The following HS3ST4 variants were observed in gnomAD, a reference collection of about 807,000 sequenced individuals.
The protein encoded by HS3ST4 is heparan sulfate-glucosamine 3-sulfotransferase 4, also known as heparan sulfate glucosamine 3-O-sulfotransferase 4.
A neutral mutation model predicts 29.2 loss-of-function variants in HS3ST4; 17 were observed. The observed-to-expected ratio is 0.58, with a 90% CI of 0.40 to 0.87. HS3ST4 has a LOEUF of 0.87. Ranked by LOEUF, HS3ST4 falls within the 40% of genes least tolerant of loss-of-function variation. The pLI, the probability that HS3ST4 is intolerant of heterozygous loss-of-function variation, is 0.00. For synonymous variants in HS3ST4, 314 were observed against 285.7 expected (o/e 1.10, Z -1.00); for missense variants, 627 against 634.5 (o/e 0.99, Z 0.13).
chr16:25,793,340 T>C (rs569521607), intron 1 of HS3ST4, among the ~76,000 whole-genome samples: 15 of 152,094 alleles, frequency 9.9e-5, no homozygotes, highest in African/African-American at 3.6e-4. Flanking sequence ...GATATTTTGC[T>C]CTGCTTGTTC....
chr16:26,047,168 T>G (rs1376205860), intron 1 of HS3ST4, among the ~76,000 whole-genome samples: 1 of 152,190 alleles, frequency 6.6e-6, no homozygotes, highest in East Asian at 1.9e-4. Flanking sequence ...AGGGCTAAGT[T>G]GCCATGAGCA....
intron 1 of HS3ST4, among the ~76,000 whole-genome samples, chr16:26,020,038 G>A (rs1969397761): frequency 6.6e-6 from 1 of 152,120 alleles, no homozygotes; most frequent in Admixed American, 6.5e-5. Context: ...TGGTTTCTGT[G>A]CTTCCCCTAA....
intron 1 of HS3ST4, among the ~76,000 whole-genome samples, chr16:25,955,158 A>G (rs1968717633): frequency 6.6e-6 from 1 of 152,118 alleles, no homozygotes; most frequent in Admixed American, 6.6e-5. Context: ...GCTCCTCTTG[A>G]GTTGCTGAAC....
intron 1 of HS3ST4, among the ~76,000 whole-genome samples, chr16:25,826,722 G>A (rs760075507): frequency 2.6e-5 from 4 of 152,200 alleles, no homozygotes; most frequent in African/African-American, 4.8e-5. Context: ...CAGTTGAATC[G>A]TCAAGTTGGA....
At chr16:26,112,534 A>G (rs1444676619) in intron 1 of HS3ST4, among the ~76,000 whole-genome samples, 1 of 152,012 alleles carries the variant, frequency 6.6e-6, no homozygotes, top group Non-Finnish European at 1.5e-5. Context: ...AAAATAATAA[A>G]TTAGACTACA....
At chr16:25,777,497 G>A (rs911064905) in intron 1 of HS3ST4, among the ~76,000 whole-genome samples, 74 of 152,140 alleles carry the variant, frequency 4.9e-4, no homozygotes, top group African/African-American at 1.4e-3. Context: ...GGCTGGGCGC[G>A]GTGGCTCGCG....
intron 1 of HS3ST4, among the ~76,000 whole-genome samples, chr16:25,820,572 TTTGTTG>T (rs142376636): frequency 7.3e-5 from 11 of 151,032 alleles, no homozygotes; most frequent in East Asian, 1.9e-4. Context: ...TAATACAAGT[TTTGTTG>T]TTGTTGTTGT....
chr16:25,862,162 CATATTTAT>C (rs1967643963), intron 1 of HS3ST4, among the ~76,000 whole-genome samples: 1 of 101,628 alleles, frequency 9.8e-6, no homozygotes, highest in South Asian at 3.5e-4. Context: ...TATTTATTTA[CATATTTAT>C]TTATTTATTT....
chr16:25,897,502 G>A (rs933891924), intron 1 of HS3ST4, among the ~76,000 whole-genome samples: 50 of 152,188 alleles, frequency 3.3e-4, no homozygotes, highest in Non-Finnish European at 4.0e-4. Flanking sequence ...TTTGGACACA[G>A]ACGGGCTGGC....
intron 1 of HS3ST4, among the ~76,000 whole-genome samples, chr16:26,065,393 G>A (rs571818411): frequency 3.7e-4 from 57 of 152,316 alleles, no homozygotes; most frequent in African/African-American, 1.4e-3. Context: ...AATACCATAT[G>A]TTCTCACTCA....
chr16:25,893,466 G>A (rs144442968), intron 1 of HS3ST4, among the ~76,000 whole-genome samples: 2 of 152,298 alleles, frequency 1.3e-5, no homozygotes, highest in Admixed American at 1.3e-4. Context: ...GGACCAGGAA[G>A]GGATCCCGTT....
At chr16:26,012,251 C>T (rs1044829620) in intron 1 of HS3ST4, among the ~76,000 whole-genome samples, 4 of 152,084 alleles carry the variant, frequency 2.6e-5, no homozygotes, top group African/African-American at 9.7e-5. Flanking sequence ...AATAGAGCTT[C>T]CTGTCAAAGT....
chr16:25,904,505 T>A (rs927787364), intron 1 of HS3ST4, among the ~76,000 whole-genome samples: 1 of 152,168 alleles, frequency 6.6e-6, no homozygotes, highest in Non-Finnish European at 1.5e-5. Context: ...TCTTCTTTAG[T>A]TTTTATACAT....
At chr16:25,969,106 C>A (rs1024795702) in intron 1 of HS3ST4, among the ~76,000 whole-genome samples, 2 of 152,210 alleles carry the variant, frequency 1.3e-5, no homozygotes, top group Non-Finnish European at 2.9e-5. Flanking sequence ...GCGTGAGCCA[C>A]CATGCCCAAC....
chr16:25,974,237 C>G (rs2141707905), intron 1 of HS3ST4, among the ~76,000 whole-genome samples: 1 of 152,286 alleles, frequency 6.6e-6, no homozygotes, highest in East Asian at 1.9e-4. Context: ...CCATTTGTAA[C>G]TCTTTTATCC....
intron 1 of HS3ST4, among the ~76,000 whole-genome samples, chr16:25,716,883 A>G (rs563247303): frequency 6.6e-6 from 1 of 152,254 alleles, no homozygotes; most frequent in East Asian, 1.9e-4. Context: ...GTGAAACCCC[A>G]TCTCTGCTAA....
intron 1 of HS3ST4, among the ~76,000 whole-genome samples, chr16:26,019,635 C>T (rs921285060): frequency 6.6e-6 from 1 of 152,122 alleles, no homozygotes; most frequent in African/African-American, 2.4e-5. Flanking sequence ...CCGTCTGGCT[C>T]CTGGGATCTA....
At chr16:25,798,803 C>T (rs1966905011) in intron 1 of HS3ST4, among the ~76,000 whole-genome samples, 1 of 152,164 alleles carries the variant, frequency 6.6e-6, no homozygotes, top group Non-Finnish European at 1.5e-5. Flanking sequence ...CTCTAATCCT[C>T]CCCTGGAGCC....
intron 1 of HS3ST4, among the ~76,000 whole-genome samples, chr16:25,751,109 C>G (rs140759949): frequency 0.01 from 1,539 of 152,298 alleles, 15 homozygotes; most frequent in Non-Finnish European, 0.017. Context: ...AACTGCACAA[C>G]TCCTGTGTCT....
Sources: gnomAD v4.1 joint callset for allele counts (sites outside exome capture counted in the v4.1 genomes callset) on GRCh38, gnomAD v4.1.1 for gene constraint, MANE v1.5 for transcripts, NCBI Gene and HGNC (gene_info 2026-07-23, HGNC 2026-07-21) for gene names.